The following WWOX variants were observed in gnomAD, a reference collection of about 807,000 sequenced individuals.
WWOX encodes the protein WW domain containing oxidoreductase, also known as WW domain-containing oxidoreductase.
In WWOX, 69 loss-of-function variants were observed where a neutral mutation model predicts 46.2. The observed-to-expected ratio is 1.49, with a 90% confidence interval of 1.23 to 1.82. WWOX has a LOEUF of 1.82. WWOX is among the 40% of genes most tolerant of loss of function. The probability of loss-of-function intolerance (pLI) is 0.00; values close to 1 mark genes in which losing one functional copy is unlikely to be tolerated. For synonymous variants in WWOX, 359 were observed against 202.6 expected (o/e 1.77, Z -6.56); for missense variants, 919 against 542.6 (o/e 1.69, Z -6.89).
intron 5 of WWOX, among the ~76,000 whole-genome samples, chr16:78,255,555 G>A (rs2038105740): frequency 1.3e-5 from 2 of 151,996 alleles, no homozygotes. Context: ...GGCACTATAG[G>A]GGGCATGTTT....
At chr16:78,943,146 C>T (rs375903048) in intron 8 of WWOX, among the ~76,000 whole-genome samples, 1 of 152,150 alleles carries the variant, frequency 6.6e-6, no homozygotes, top group Non-Finnish European at 1.5e-5. Context: ...ATGGTGGGTT[C>T]TTAAATAATA....
chr16:78,462,901 G>T (rs1445103546), intron 8 of WWOX, among the ~76,000 whole-genome samples: 1 of 152,126 alleles, frequency 6.6e-6, no homozygotes, highest in Non-Finnish European at 1.5e-5. Context: ...TTTCCCTTGG[G>T]CACGCTGTTC....
At chr16:78,922,614 G>C (rs1387318073) in intron 8 of WWOX, among the ~76,000 whole-genome samples, 4 of 152,114 alleles carry the variant, frequency 2.6e-5, no homozygotes, top group Non-Finnish European at 5.9e-5. Flanking sequence ...CCTGACCTTA[G>C]GTGATCCCCT....
At chr16:78,510,078 TC>T (rs775844245) in intron 8 of WWOX, among the ~76,000 whole-genome samples, 260 of 152,098 alleles carry the variant, frequency 1.7e-3, no homozygotes, top group Non-Finnish European at 3.3e-3. Context: ...TGTCTGTCTG[TC>T]TGTCTGTCTG....
chr16:78,735,951 A>G (rs754281937), intron 8 of WWOX, among the ~76,000 whole-genome samples: 20 of 151,604 alleles, frequency 1.3e-4, no homozygotes, highest in Non-Finnish European at 1.3e-4. Context: ...GGCCTTCCCA[A>G]TTTACCTGTG....
chr16:78,509,576 C>G (rs1361051972), intron 8 of WWOX, among the ~76,000 whole-genome samples: 1 of 152,176 alleles, frequency 6.6e-6, no homozygotes, highest in Non-Finnish European at 1.5e-5. Flanking sequence ...TTTGCAGACG[C>G]TCTGCCAGTG....
intron 6 of WWOX, among the ~76,000 whole-genome samples, chr16:78,406,869 G>A (rs958136019): frequency 4.6e-5 from 7 of 152,142 alleles, no homozygotes; most frequent in East Asian, 3.9e-4. Flanking sequence ...CAAGTGATCC[G>A]CCCGCTTCAG....
At position 79,132,564 on chromosome 16, in the gene WWOX, C is replaced by A. The variant is rs563453886; in HGVS notation, c.1057-79044C>A. On this transcript the variant is annotated intron_variant, in intron 8 of 8. Transcript: ENST00000566780. ...TGTTTCTTGATCTCGATAGCAGCAA[C>A]CTTTCCATTTGCTCTCTGTCTGGTT... Among the ~76,000 whole-genome samples the A allele has an allele frequency of 3.1e-4, 47 of 152,188 alleles. 2 individuals are homozygous for A. Among genetic ancestry groups the A allele is most frequent in the South Asian group, 2.7e-3 (13 of 4,806 alleles).
chr16:78,394,403 T>C (rs1168678348), intron 6 of WWOX, among the ~76,000 whole-genome samples: 1 of 151,706 alleles, frequency 6.6e-6, no homozygotes, highest in African/African-American at 2.4e-5. Context: ...CCATACATTT[T>C]CCATCCTAAG....
chr16:79,072,836 A>T (rs1443263570), intron 8 of WWOX, among the ~76,000 whole-genome samples: 1 of 152,152 alleles, frequency 6.6e-6, no homozygotes, highest in Non-Finnish European at 1.5e-5. Context: ...TTTCAAATGC[A>T]TGTCTTTAGA....
intron 5 of WWOX, among the ~76,000 whole-genome samples, chr16:78,202,809 T>TA (rs2036274714): frequency 8.9e-6 from 1 of 112,828 alleles, no homozygotes; most frequent in Non-Finnish European, 1.9e-5. Flanking sequence ...CATTGCCTGG[T>TA]GGGTTTTTTT....
chr16:78,463,109 C>T (rs1781830900), intron 8 of WWOX, among the ~76,000 whole-genome samples: 2 of 152,178 alleles, frequency 1.3e-5, no homozygotes, highest in African/African-American at 4.8e-5. Context: ...CCGTATCCCA[C>T]TGCAATTCTG....
At chr16:79,023,295 G>A (rs1024525856) in intron 8 of WWOX, among the ~76,000 whole-genome samples, 8 of 152,178 alleles carry the variant, frequency 5.3e-5, no homozygotes, top group Non-Finnish European at 8.8e-5. Context: ...TGTCTCTGTT[G>A]AATTCAGAGT....
At chr16:78,457,855 T>A (rs967763901) in intron 8 of WWOX, among the ~76,000 whole-genome samples, 11 of 143,294 alleles carry the variant, frequency 7.7e-5, no homozygotes, top group African/African-American at 3.0e-4. Context: ...GGCGGAGCTT[T>A]CAGTGAGCCA....
At chr16:79,023,061 T>C (rs992841918) in intron 8 of WWOX, among the ~76,000 whole-genome samples, 2 of 151,758 alleles carry the variant, frequency 1.3e-5, no homozygotes, top group African/African-American at 4.9e-5. Flanking sequence ...ACAAAAATAA[T>C]ACCTACAATA....
chr16:78,150,313 C>T, intron 4 of WWOX, among the ~76,000 whole-genome samples: 1 of 152,308 alleles, frequency 6.6e-6, no homozygotes, highest in East Asian at 1.9e-4. Flanking sequence ...CGGCATGCCC[C>T]TCTCCAGGCA....
intron 8 of WWOX, among the ~76,000 whole-genome samples, chr16:78,826,347 A>G (rs570911905): frequency 2.0e-5 from 3 of 152,348 alleles, no homozygotes; most frequent in African/African-American, 7.2e-5. Flanking sequence ...ACTCAGTCTC[A>G]AAACAACAGC....
intron 8 of WWOX, among the ~76,000 whole-genome samples, chr16:78,616,534 G>C (rs372306907): frequency 1.3e-5 from 2 of 151,864 alleles, no homozygotes; most frequent in Non-Finnish European, 2.9e-5. Context: ...GGCCGAGGCA[G>C]GTGTCTCGGT....
intron 4 of WWOX, among the ~76,000 whole-genome samples, chr16:78,120,657 A>G (rs1322429733): frequency 6.6e-6 from 1 of 152,012 alleles, no homozygotes; most frequent in East Asian, 1.9e-4. Context: ...GTCTTAGCTT[A>G]GAGAGCCTAC....
Sources: gnomAD v4.1 joint callset for allele counts (sites outside exome capture counted in the v4.1 genomes callset) on GRCh38, gnomAD v4.1.1 for gene constraint, MANE v1.5 for transcripts, NCBI Gene and HGNC (gene_info 2026-07-23, HGNC 2026-07-21) for gene names.